Variants in TPO observed in about 807,000 individuals in gnomAD.
The protein encoded by TPO is thyroid microsomal antigen.
Under a neutral mutation model 96.9 loss-of-function variants are expected in TPO, and 78 were observed. That is an observed-to-expected ratio of 0.81 (90% CI 0.67 to 0.97). The LOEUF (loss-of-function observed/expected upper bound fraction) is 0.97. Among genes scored for constraint, TPO ranks in the 50% least tolerant of loss-of-function variants. The probability of loss-of-function intolerance (pLI) is 0.00; values close to 1 mark genes in which losing one functional copy is unlikely to be tolerated. For synonymous variants in TPO, 547 were observed against 538.0 expected (o/e 1.02, Z -0.23); for missense variants, 1,252 against 1,274.8 (o/e 0.98, Z 0.27).
chr2:1,537,611 C>G (rs1160875505), intron 15 of TPO, among the ~76,000 whole-genome samples: 19 of 123,030 alleles, frequency 1.5e-4, no homozygotes, highest in African/African-American at 5.7e-4. Context: ...GCAAACTCCT[C>G]AAATCACCCC....
chr2:1,382,725 A>AAC (rs1008827115), intron 1 of TPO, among the ~76,000 whole-genome samples: 8 of 151,906 alleles, frequency 5.3e-5, no homozygotes, highest in African/African-American at 1.9e-4. Context: ...TCTTTTTTTT[A>AAC]ATATATATAT....
rs144440176 is a variant in TPO at position 1,475,107 on chromosome 2, C to T, written c.820-1979C>T. On this transcript the variant is annotated intron_variant, in intron 7 of 16. Transcript: ENST00000329066. ...AACTTTTCATTGATTTCTGGAGACA[C>T]TTTCAGCTCTTCTTAAGAGTCTCTT... 5.1e-3 allele frequency among the ~76,000 whole-genome samples: 770 copies of T among 152,326 alleles called. 12 individuals are homozygous for T. Among genetic ancestry groups the T allele is most frequent in the African/African-American group, 0.018 (746 of 41,572 alleles).
intron 1 of TPO, among the ~76,000 whole-genome samples, chr2:1,390,265 G>A (rs1227535279): frequency 1.3e-5 from 2 of 152,038 alleles, no homozygotes; most frequent in Non-Finnish European, 2.9e-5. Flanking sequence ...GAGAACATGT[G>A]GTGTTTGGTT....
In TPO at chr2:1,542,591, A is replaced by G; in HGVS notation, c.*117A>G. On this transcript the variant is annotated 3_prime_UTR_variant, in exon 17 of 17. Transcript: ENST00000329066. The stretch of plus-strand genomic sequence containing the variant: ...GGACGACTGTTTTCCCAACACGGGT[A>G]AATCTAGTACCATGTCGTAGTTACT... 6.4e-7 allele frequency: 1 copy of G among 1,561,388 alleles called. No homozygotes were observed. The highest frequency in any genetic ancestry group is 8.7e-7 in the Non-Finnish European group (1 of 1,151,820).
intron 5 of TPO, among the ~76,000 whole-genome samples, chr2:1,449,073 A>G (rs1667091493): frequency 6.6e-6 from 1 of 152,202 alleles, no homozygotes; most frequent in Non-Finnish European, 1.5e-5. Context: ...CGTTCTGTCC[A>G]ATACAGCCTT....
At chr2:1,516,790 C>A in intron 14 of TPO, 93 bp from the exon 15 acceptor site, 1 of 1,203,856 alleles carries the variant, frequency 8.3e-7, no homozygotes, top group Non-Finnish European at 1.2e-6. Context: ...GGCCACTGGC[C>A]CAGGACAGGG....
At chr2:1,424,377 T>C (rs192828946) in intron 3 of TPO, among the ~76,000 whole-genome samples, 99 of 152,332 alleles carry the variant, frequency 6.5e-4, no homozygotes, top group African/African-American at 2.2e-3. Flanking sequence ...TTGATGTTGA[T>C]GCTGGAGGGG....
intron 1 of TPO, among the ~76,000 whole-genome samples, chr2:1,388,608 C>T (rs1431032200): frequency 6.6e-6 from 1 of 152,198 alleles, no homozygotes; most frequent in Non-Finnish European, 1.5e-5. Context: ...TGCCGTCTGT[C>T]ACAGCTTTGC....
At chr2:1,377,163 A>G (rs1661734866) in intron 1 of TPO, among the ~76,000 whole-genome samples, 2 of 152,308 alleles carry the variant, frequency 1.3e-5, no homozygotes, top group South Asian at 4.1e-4. Flanking sequence ...AGTAAATGCA[A>G]AGCAGAAAGA....
chr2:1,463,432 G>A (rs1375644056), intron 7 of TPO, among the ~76,000 whole-genome samples: 2 of 152,184 alleles, frequency 1.3e-5, no homozygotes, highest in African/African-American at 4.8e-5. Flanking sequence ...TATTTACGGT[G>A]GAGTGAGAGG....
chr2:1,419,674 G>A (rs1051902225), intron 2 of TPO, among the ~76,000 whole-genome samples: 2 of 152,136 alleles, frequency 1.3e-5, no homozygotes, highest in African/African-American at 2.4e-5. Flanking sequence ...TCCTCAAAAC[G>A]TGTTTCCTGG....
Position 1,414,495 on chromosome 2 carries a change from C to T in TPO, c.87C>T (p.Leu29=). 6.2e-7 allele frequency: 1 copy of T among 1,613,924 alleles called. No homozygotes were observed. The highest frequency in any genetic ancestry group is 8.5e-7 in the Non-Finnish European group (1 of 1,179,968). The change falls in exon 2 of 17, where the codon CTC becomes CTT. Residue 29 remains leucine (L), a synonymous_variant. Transcript: ENST00000329066. ...CCTTCATCTCGAGAGGGAAAGAACT[C>T]CTTTGGGGTAAGTAGCAAACACATT... ...FFPFISRGKE[L]LWGKPEESRV...
chr2:1,395,922 G>A (rs1228468894), intron 1 of TPO, among the ~76,000 whole-genome samples: 3 of 152,328 alleles, frequency 2.0e-5, no homozygotes, highest in Admixed American at 2.0e-4. Context: ...CCAGCCATGT[G>A]GAACTGTGAG....
intron 7 of TPO, among the ~76,000 whole-genome samples, chr2:1,464,431 A>T (rs1668718640): frequency 6.6e-6 from 1 of 152,206 alleles, no homozygotes; most frequent in Non-Finnish European, 1.5e-5. Context: ...GGATCGCTGG[A>T]TCAAATAGTA....
chr2:1,484,445 T>G, intron 8 of TPO, 151 bp from the exon 9 acceptor site: 1 of 966,802 alleles, frequency 1.0e-6, no homozygotes, highest in Non-Finnish European at 1.5e-6. Context: ...AAGAAGGCAT[T>G]TCTGGGAAGT....
At chr2:1,499,459 G>C (rs1231971314) in intron 13 of TPO, among the ~76,000 whole-genome samples, 1 of 152,130 alleles carries the variant, frequency 6.6e-6, no homozygotes, top group Admixed American at 6.5e-5. Flanking sequence ...ACCAGTCTGG[G>C]TGCTCCCCAG....
At position 1,477,122 on chromosome 2, in the gene TPO, T is replaced by A; in HGVS notation, c.856T>A (p.Cys286Ser). 6.2e-7 allele frequency: 1 copy of A among 1,609,108 alleles called. No individual in the cohort carries two copies. The highest frequency in any genetic ancestry group is 8.5e-7 in the Non-Finnish European group (1 of 1,178,796). ...EEARPAAGTA[C>S]LPFYRSSAAC... The stretch of plus-strand genomic sequence containing the variant: ...GGCCCGGCCGGCCGCGGGCACCGCC[T>A]GTCTGCCCTTCTACCGCTCTTCGGC... Residue 286 changes from cysteine (C) to serine (S), a missense_variant, in exon 8 of 17, where the codon TGT becomes AGT. Physicochemically the swap from Cys to Ser is moderately radical, Grantham distance 112 (BLOSUM62 -1). Transcript: ENST00000329066.
intron 7 of TPO, among the ~76,000 whole-genome samples, chr2:1,459,452 C>T (rs905902349): frequency 6.6e-6 from 1 of 152,148 alleles, no homozygotes; most frequent in Non-Finnish European, 1.5e-5. Context: ...GCTCAGCCAA[C>T]AAGGGACATT....
intron 2 of TPO, among the ~76,000 whole-genome samples, chr2:1,419,279 G>A (rs910884229): frequency 6.6e-6 from 1 of 152,042 alleles, no homozygotes; most frequent in Non-Finnish European, 1.5e-5. Flanking sequence ...AAAACTTCGG[G>A]TTCAAACTCC....
Sources: gnomAD v4.1 joint callset for allele counts (sites outside exome capture counted in the v4.1 genomes callset) on GRCh38, gnomAD v4.1.1 for gene constraint, MANE v1.5 for transcripts, NCBI Gene and HGNC (gene_info 2026-07-23, HGNC 2026-07-21) for gene names.